CNTNAP2: variants seen among roughly 807,000 people sequenced by gnomAD.
CNTNAP2 encodes the protein contactin associated protein 2.
A neutral mutation model predicts 155.2 loss-of-function variants in CNTNAP2; 98 were observed. The observed-to-expected ratio is 0.63, with a 90% CI of 0.54 to 0.75. The LOEUF (loss-of-function observed/expected upper bound fraction) is 0.75. CNTNAP2 is among the 30% of genes least tolerant of loss of function. CNTNAP2 has a pLI of 0.00. For missense variants in CNTNAP2, 1,727 were observed against 1,688.1 expected (o/e 1.02, Z -0.40); for synonymous variants, 651 against 631.2 (o/e 1.03, Z -0.47).
intron 2 of CNTNAP2, among the ~76,000 whole-genome samples, chr7:146,782,836 A>G (rs1802514041): frequency 6.6e-6 from 1 of 152,206 alleles, no homozygotes; most frequent in South Asian, 2.1e-4. Flanking sequence ...TCTAAAAACA[A>G]CACTATAGAT....
At chr7:148,096,461 CAT>C (rs1803973736) in intron 15 of CNTNAP2, among the ~76,000 whole-genome samples, 1 of 152,024 alleles carries the variant, frequency 6.6e-6, no homozygotes. Context: ...AGATTAATCA[CAT>C]AGAGATTAAT....
rs147346887 is a variant in CNTNAP2 at position 147,544,518 on chromosome 7, T to C, written c.1778-17620T>C. Among the ~76,000 whole-genome samples the C allele has an allele frequency of 3.7e-3, 564 of 152,222 alleles. 1 individual carries two copies. Among genetic ancestry groups the C allele is most frequent in the African/African-American group, 0.013 (534 of 41,538 alleles). ...ATTGTTATAGGCTTTCAGAAAACAA[T>C]TTTGAAATATCTATTCCAATAAAAA... On this transcript the variant is annotated intron_variant, in intron 11 of 23. Transcript: ENST00000361727.
intron 13 of CNTNAP2, among the ~76,000 whole-genome samples, chr7:147,803,031 CAA>C (rs1563094971): frequency 6.6e-6 from 1 of 151,564 alleles, no homozygotes; most frequent in Non-Finnish European, 1.5e-5. Context: ...TAATAATGAA[CAA>C]GAGAAAAATT....
rs564638237 is a variant in CNTNAP2, at chr7:147,148,507, G to A, written c.1348+15998G>A. On this transcript the variant is annotated intron_variant, in intron 8 of 23. Transcript: ENST00000361727. ...TACAGAAGTCCTATGACTTGTAAAT[G>A]TGTCCAGAATTGGTTCCTTCCAGTG... is the stretch of plus-strand genomic sequence containing the variant. Among the ~76,000 whole-genome samples the A allele has an allele frequency of 6.6e-5, 10 of 152,198 alleles. 1 individual carries two copies. Among genetic ancestry groups the A allele is most frequent in the African/African-American group, 2.4e-4 (10 of 41,536 alleles).
intron 3 of CNTNAP2, among the ~76,000 whole-genome samples, chr7:147,011,828 C>T (rs1798633113): frequency 6.6e-6 from 1 of 152,188 alleles, no homozygotes; most frequent in Non-Finnish European, 1.5e-5. Flanking sequence ...TGATGGCAGC[C>T]ATTCCAGAAA....
intron 21 of CNTNAP2, among the ~76,000 whole-genome samples, chr7:148,347,421 A>G (rs925586701): frequency 2.6e-5 from 4 of 152,318 alleles, no homozygotes; most frequent in Non-Finnish European, 5.9e-5. Context: ...AAGACCATAC[A>G]ACAAGAATGA....
intron 1 of CNTNAP2, among the ~76,000 whole-genome samples, chr7:146,137,031 A>T (rs1434372161): frequency 2.0e-5 from 3 of 152,186 alleles, no homozygotes; most frequent in Non-Finnish European, 4.4e-5. Context: ...AAAATTTGAA[A>T]AGGGGAAAAT....
Position 147,729,013 on chromosome 7 carries a change from TAATATATA to T in CNTNAP2, c.2098+89716_2098+89723del, listed in dbSNP as rs1470973432. Among the ~76,000 whole-genome samples the T allele has an allele frequency of 4.0e-5, 6 of 148,606 alleles. No homozygotes were observed. The East Asian group carries it at 1.2e-3, about 29-fold the overall frequency. ...TAATATATATTATGTATAATGTATA[TAATATATA>T]AATATATATTTATATATTTTTTGAG... On this transcript the variant is annotated intron_variant, in intron 13 of 23. Coordinates refer to ENST00000361727, the MANE Select transcript of CNTNAP2 (RefSeq NM_014141.6).
intron 1 of CNTNAP2, among the ~76,000 whole-genome samples, chr7:146,772,050 C>T (rs1039907848): frequency 6.6e-6 from 1 of 151,934 alleles, no homozygotes; most frequent in African/African-American, 2.4e-5. Flanking sequence ...TTTTAGAGTA[C>T]GTGCCAAGTA....
chr7:147,027,758 T>C (rs542754531), intron 3 of CNTNAP2, among the ~76,000 whole-genome samples: 2 of 152,200 alleles, frequency 1.3e-5, no homozygotes, highest in South Asian at 4.1e-4. Context: ...TGAAAAGCCG[T>C]TACTGGAGAG....
At position 148,062,028 on chromosome 7, in the gene CNTNAP2, A is replaced by AGTGTGT. The variant is rs199528714; in HGVS notation, c.2384-56047_2384-56042dup. 4.3e-3 allele frequency among the ~76,000 whole-genome samples: 452 copies of AGTGTGT among 106,010 alleles called. 13 individuals carry two copies. Among genetic ancestry groups the AGTGTGT allele is most frequent in the South Asian group, 5.6e-3 (17 of 3,016 alleles). 69.5% of individuals were successfully genotyped at this position (106,010 alleles called of 152,430 possible). ...ATAGATGATAGAGAGAGAGAGAGAG[A>AGTGTGT]GTGTGTGTGTGTGTGTGTGTGTGTG... is the stretch of plus-strand genomic sequence containing the variant. On this transcript the variant is annotated intron_variant, in intron 15 of 23. Coordinates refer to ENST00000361727, the MANE Select transcript of CNTNAP2 (RefSeq NM_014141.6).
intron 13 of CNTNAP2, among the ~76,000 whole-genome samples, chr7:147,733,432 A>G (rs1796780624): frequency 6.6e-6 from 1 of 152,172 alleles, no homozygotes; most frequent in South Asian, 2.1e-4. Flanking sequence ...GCCTTGTAGT[A>G]TAGTTTGAAG....
Position 146,847,748 on chromosome 7 carries a change from T to C in CNTNAP2, c.402+7844T>C, listed in dbSNP as rs141121882. ...ACAAATGACTCATTTGGAAGTATAA[T>C]TGAGAATGCTAATTTATGCCATTCA... On this transcript the variant is annotated intron_variant, in intron 3 of 23. Coordinates refer to ENST00000361727, the MANE Select transcript of CNTNAP2 (RefSeq NM_014141.6). Among the ~76,000 whole-genome samples, 16 of 152,312 alleles carry C rather than the reference T, an allele frequency of 1.1e-4. No homozygotes were observed. In the East Asian group the frequency reaches 3.1e-3, roughly 29 times the overall value.
chr7:146,849,642 T>C (rs982657571), intron 3 of CNTNAP2, among the ~76,000 whole-genome samples: 5 of 152,218 alleles, frequency 3.3e-5, no homozygotes, highest in African/African-American at 1.2e-4. Context: ...GTATTTACCT[T>C]ATGCGATTTT....
chr7:147,730,593 C>G (rs1796722124), intron 13 of CNTNAP2, among the ~76,000 whole-genome samples: 1 of 152,038 alleles, frequency 6.6e-6, no homozygotes, highest in Non-Finnish European at 1.5e-5. Context: ...ATTACCCCAT[C>G]TCTCCCTCTC....
intron 14 of CNTNAP2, among the ~76,000 whole-genome samples, chr7:147,907,789 A>C (rs1267154347): frequency 2.0e-5 from 3 of 147,086 alleles, no homozygotes; most frequent in Non-Finnish European, 3.0e-5. Flanking sequence ...TATTTTCTTT[A>C]TTTATTTATT....
intron 13 of CNTNAP2, among the ~76,000 whole-genome samples, chr7:147,768,273 C>T (rs1457749822): frequency 6.6e-6 from 1 of 152,098 alleles, no homozygotes; most frequent in East Asian, 1.9e-4. Context: ...TTGCAAAACT[C>T]AGAGAAGCTG....
intron 8 of CNTNAP2, among the ~76,000 whole-genome samples, chr7:147,208,290 C>G (rs1319554313): frequency 1.3e-5 from 2 of 151,950 alleles, no homozygotes; most frequent in Non-Finnish European, 2.9e-5. Context: ...CTCAGGTTTC[C>G]TAAATTGTCA....
intron 9 of CNTNAP2, among the ~76,000 whole-genome samples, chr7:147,356,446 G>T (rs901820123): frequency 6.6e-6 from 1 of 152,120 alleles, no homozygotes; most frequent in Non-Finnish European, 1.5e-5. Flanking sequence ...AATCAGGCAA[G>T]AGAAAGAAAT....
Sources: gnomAD v4.1 joint callset for allele counts (sites outside exome capture counted in the v4.1 genomes callset) on GRCh38, gnomAD v4.1.1 for gene constraint, MANE v1.5 for transcripts, NCBI Gene and HGNC (gene_info 2026-07-23, HGNC 2026-07-21) for gene names.